Variants in CDC14A observed in about 807,000 individuals in gnomAD.
CDC14A encodes the protein cell division cycle 14A, also known as dual specificity protein phosphatase CDC14A.
CDC14A carries 53 observed loss-of-function variants against 74.4 expected under a neutral mutation model. That is an observed-to-expected ratio of 0.71 (90% CI 0.57 to 0.89). The LOEUF (loss-of-function observed/expected upper bound fraction) is 0.89. Ranked by LOEUF, CDC14A falls within the 40% of genes least tolerant of loss-of-function variation. The pLI is 0.00. For missense variants in CDC14A, 646 were observed against 713.7 expected (o/e 0.91, Z 1.08); for synonymous variants, 247 against 258.4 (o/e 0.96, Z 0.43).
At chr1:100,424,740 G>A (rs1557745990) in intron 5 of CDC14A, among the ~76,000 whole-genome samples, 1 of 152,128 alleles carries the variant, frequency 6.6e-6, no homozygotes, top group Non-Finnish European at 1.5e-5. Context: ...CTGTTTAGTG[G>A]GGACCCTAAA....
Position 100,389,180 on chromosome 1 carries a change from CAAAAAAAA to C in CDC14A, c.217-1537_217-1530del, listed in dbSNP as rs1196346245. On this transcript the variant is annotated intron_variant, in intron 3 of 15. Coordinates refer to ENST00000336454, the MANE Select transcript of CDC14A (RefSeq NM_003672.4). The stretch of plus-strand genomic sequence containing the variant: ...TGGGTGACAGAGCAAGACCCTGTCT[CAAAAAAAA>C]AAAAAAAAAAAAAAGGTAAAAGATA... Among the ~76,000 whole-genome samples the C allele has an allele frequency of 2.9e-4, 15 of 52,240 alleles. No homozygotes were observed. The Admixed American group carries it at 3.1e-3, about 11-fold the overall frequency. 34.3% of individuals were successfully genotyped at this position (52,240 alleles called of 152,430 possible).
At chr1:100,467,240 T>G (rs191498892) in intron 9 of CDC14A, among the ~76,000 whole-genome samples, 4 of 152,202 alleles carry the variant, frequency 2.6e-5, no homozygotes, top group Non-Finnish European at 5.9e-5. Context: ...GTTTTAGATT[T>G]GCTGAAATGC....
chr1:100,480,564 A>G (rs1483745855), intron 10 of CDC14A, among the ~76,000 whole-genome samples: 1 of 152,152 alleles, frequency 6.6e-6, no homozygotes, highest in East Asian at 1.9e-4. Context: ...TTTCTGAGGA[A>G]CTGTGAAACT....
At chr1:100,412,727 A>ATATATATAT (rs1557732345) in intron 4 of CDC14A, among the ~76,000 whole-genome samples, 1 of 98,734 alleles carries the variant, frequency 1.0e-5, no homozygotes, top group African/African-American at 5.8e-5. Flanking sequence ...TATATATTTT[A>ATATATATAT]TATATATATA....
At chr1:100,442,749 G>A (rs564212309) in intron 6 of CDC14A, among the ~76,000 whole-genome samples, 185 bp from the exon 7 acceptor site, 1 of 152,050 alleles carries the variant, frequency 6.6e-6, no homozygotes, top group Admixed American at 6.5e-5. Flanking sequence ...TTTAGTTCCA[G>A]TAAGACAGTC....
chr1:100,511,678 C>G (rs1649794719), intron 15 of CDC14A, among the ~76,000 whole-genome samples: 1 of 152,196 alleles, frequency 6.6e-6, no homozygotes, highest in African/African-American at 2.4e-5. Context: ...TTCTGCCTGC[C>G]TTTCCCTTGT....
intron 15 of CDC14A, among the ~76,000 whole-genome samples, chr1:100,513,765 C>G (rs1571369165): frequency 1.3e-5 from 2 of 152,094 alleles, no homozygotes; most frequent in African/African-American, 4.8e-5. Context: ...AAGTTACTAC[C>G]TACATCTGCC....
intron 3 of CDC14A, among the ~76,000 whole-genome samples, chr1:100,384,850 G>A (rs1656626531): frequency 6.6e-6 from 1 of 152,204 alleles, no homozygotes; most frequent in Non-Finnish European, 1.5e-5. Flanking sequence ...GCAGTAGGTT[G>A]GAGCTTACTG....
At chr1:100,455,589 C>A in intron 8 of CDC14A, 97 bp downstream of exon 8, 1 of 736,058 alleles carries the variant, frequency 1.4e-6, no homozygotes, top group South Asian at 1.7e-5. Flanking sequence ...TGGTAATATT[C>A]TCCAAAGAAT....
At chr1:100,351,801 A>G (rs1321981508), upstream of CDC14A, 4 of 1,550,290 alleles carry the variant, frequency 2.6e-6, no homozygotes, top group East Asian at 2.4e-5. Context: ...AAGTTATATC[A>G]GAGTCTGGTA....
At chr1:100,374,916 A>G (rs1202610488) in intron 2 of CDC14A, among the ~76,000 whole-genome samples, 1 of 152,258 alleles carries the variant, frequency 6.6e-6, no homozygotes, top group African/African-American at 2.4e-5. Flanking sequence ...TATTACCTGT[A>G]GGACATTCTT....
At position 100,389,111 on chromosome 1, in the gene CDC14A, G is replaced by A. The variant is rs891476261; in HGVS notation, c.217-1621G>A. Reference sequence around the variant, plus strand: ...GATCGATTGAGGCTGAGAGGTCAAGGCTGCAGTGAGCCAGATCATGCCACT... The same window carrying A: ...GATCGATTGAGGCTGAGAGGTCAAGACTGCAGTGAGCCAGATCATGCCACT... On this transcript the variant is annotated intron_variant, in intron 3 of 15. Transcript: ENST00000336454. 1.5e-5 allele frequency among the ~76,000 whole-genome samples: 2 copies of A among 129,582 alleles called. 1 individual carries two copies. The highest frequency in any genetic ancestry group is 3.1e-5 in the Non-Finnish European group (2 of 64,826). The allele number at this position is 129,582 out of a possible 152,430, so 85.0% of individuals were successfully genotyped here.
At chr1:100,357,246 G>T (rs559619783) in intron 2 of CDC14A, among the ~76,000 whole-genome samples, 5 of 152,140 alleles carry the variant, frequency 3.3e-5, no homozygotes, top group African/African-American at 1.2e-4. Flanking sequence ...AGAATGATGC[G>T]ATTTCTGGGA....
intron 4 of CDC14A, among the ~76,000 whole-genome samples, chr1:100,401,813 C>A (rs545633222): frequency 6.6e-6 from 1 of 151,902 alleles, no homozygotes; most frequent in Non-Finnish European, 1.5e-5. Flanking sequence ...CCAAGGTGGG[C>A]GGATCACCTG....
chr1:100,451,967 TATATA>T (rs1411411560), intron 7 of CDC14A, among the ~76,000 whole-genome samples: 1 of 152,210 alleles, frequency 6.6e-6, no homozygotes, highest in Admixed American at 6.5e-5. Flanking sequence ...CAGTCCTTGA[TATATA>T]ATAAAGGCTC....
intron 5 of CDC14A, among the ~76,000 whole-genome samples, chr1:100,434,652 A>C (rs954372852): frequency 2.0e-5 from 3 of 152,138 alleles, no homozygotes; most frequent in African/African-American, 7.2e-5. Context: ...AAGAAAGGTG[A>C]GACTTCTGGC....
At chr1:100,503,101 C>A (rs1407532566) in intron 15 of CDC14A, among the ~76,000 whole-genome samples, 1 of 152,200 alleles carries the variant, frequency 6.6e-6, no homozygotes, top group Non-Finnish European at 1.5e-5. Context: ...AGTCCTACTT[C>A]TGCTGACTTG....
intron 8 of CDC14A, among the ~76,000 whole-genome samples, chr1:100,457,755 G>C (rs532668943): frequency 4.1e-4 from 62 of 151,816 alleles, no homozygotes; most frequent in African/African-American, 1.4e-3. Flanking sequence ...AAGCCACTGA[G>C]CCCAGCCTGT....
chr1:100,435,118 C>G (rs1410315881), intron 5 of CDC14A, among the ~76,000 whole-genome samples: 1 of 152,052 alleles, frequency 6.6e-6, no homozygotes, highest in Non-Finnish European at 1.5e-5. Context: ...AGGCCCTGGT[C>G]TAGAGAGAGA....
Sources: allele counts gnomAD v4.1 joint callset (sites outside exome capture counted in the v4.1 genomes callset), GRCh38; gene constraint gnomAD v4.1.1; transcripts MANE v1.5; gene names NCBI Gene and HGNC (gene_info 2026-07-23, HGNC 2026-07-21).